DHX34: variants seen among roughly 807,000 people sequenced by gnomAD.
DHX34 encodes DExH-box helicase 34.
In DHX34, 96 loss-of-function variants were observed where a neutral mutation model predicts 111.1. The ratio of observed to expected loss-of-function variants is 0.86; its 90% CI spans 0.73 to 1.02. The LOEUF (loss-of-function observed/expected upper bound fraction) is 1.02, where lower values mean the gene tolerates loss of function less well. DHX34 is among the 50% of genes least tolerant of loss of function. The pLI is 0.00. For missense variants in DHX34, 1,560 were observed against 1,579.9 expected (o/e 0.99, Z 0.21); for synonymous variants, 688 against 670.4 (o/e 1.03, Z -0.41).
intron 12 of DHX34, 83 bp from the exon 13 acceptor site, chr19:47,377,017 A>G: frequency 6.2e-7 from 1 of 1,604,760 alleles, no homozygotes; most frequent in Non-Finnish European, 8.5e-7. Context: ...ATCGATGTGT[A>G]CTTTGACCGG....
chr19:47,353,803 A>T lies in DHX34; in HGVS notation c.705+68A>T. On this transcript the variant is annotated intron_variant, in intron 2 of 16. Coordinates refer to ENST00000328771, the MANE Select transcript of DHX34 (RefSeq NM_014681.6). This position sits in a 1 kb window ranked among gnomAD's most constrained non-coding sequence, Gnocchi z 4.6. ...TTGGGGGAATAGGTTGCTTGTCCAT[A>T]TGGCAGTATCAATAAAAATGAAGCA... 7.3e-7 allele frequency: 1 copy of T among 1,369,642 alleles called. No homozygotes were observed. The highest frequency in any genetic ancestry group is 2.5e-5 in the East Asian group (1 of 39,892). 84.8% of individuals were successfully genotyped at this position (1,369,642 alleles called of 1,614,324 possible).
Position 47,355,185 on chromosome 19 carries a change from G to A in DHX34, c.852G>A (p.Arg284=). 2.5e-6 allele frequency: 4 copies of A among 1,614,204 alleles called. No individual in the cohort carries two copies. Among genetic ancestry groups the A allele is most frequent in the Non-Finnish European group, 3.4e-6 (4 of 1,180,046 alleles). The stretch of plus-strand genomic sequence containing the variant: ...TGATTGTGGATGAAGTCCATGAGCG[G>A]CATCTCCACAACGATTTCCTCCTGG... The part of the protein sequence containing the change: ...EVLIVDEVHE[R]HLHNDFLLGV... The change falls in exon 3 of 17, where the codon CGG becomes CGA. Residue 284 remains arginine (R), a synonymous_variant. Coordinates refer to ENST00000328771, the MANE Select transcript of DHX34 (RefSeq NM_014681.6).
chr19:47,350,357 T>G (rs1969247717), intron 1 of DHX34, among the ~76,000 whole-genome samples: 1 of 152,114 alleles, frequency 6.6e-6, no homozygotes, highest in African/African-American at 2.4e-5. Flanking sequence ...TACGCCGTGA[T>G]TGTGCCACTG....
At chr19:47,380,370 G>C (rs1970313816) in intron 14 of DHX34, among the ~76,000 whole-genome samples, 1 of 152,104 alleles carries the variant, frequency 6.6e-6, no homozygotes, top group African/African-American at 2.4e-5. Flanking sequence ...TAGGTGGGGA[G>C]TGGAAATTGC....
chr19:47,370,939 G>C (rs1969946731), intron 7 of DHX34, among the ~76,000 whole-genome samples: 1 of 152,236 alleles, frequency 6.6e-6, no homozygotes, highest in African/African-American at 2.4e-5. Flanking sequence ...ATCCCTAAGT[G>C]CTGGGATTAC....
chr19:47,381,931 C>G, intron 16 of DHX34, 49 bp from the exon 17 acceptor site: 1 of 1,612,930 alleles, frequency 6.2e-7, no homozygotes, highest in Non-Finnish European at 8.5e-7. Flanking sequence ...GCAGGTAGAC[C>G]TGTGCACTGG....
chr19:47,353,182 G>T lies in DHX34; in HGVS notation c.152G>T (p.Arg51Leu). 1 of 1,614,156 alleles carries T rather than the reference G, an allele frequency of 6.2e-7. No homozygotes were observed. The highest frequency in any genetic ancestry group is 1.3e-5 in the African/African-American group (1 of 75,048). Residue 51 changes from arginine to leucine, a missense_variant, in exon 2 of 17, where the codon CGT becomes CTT. Arg to Leu is a moderately radical substitution (Grantham distance 102, BLOSUM62 -2). Transcript: ENST00000328771. The surrounding 1 kb of genome is among the most constrained non-coding windows in gnomAD (Gnocchi z 4.6). ...DAFFREEDYI[R>L]QGSEECQKFW... Reference sequence around the variant, plus strand: ...TTCTTCCGTGAAGAGGATTACATCCGTCAGGGTTCTGAGGAATGTCAGAAG... The same window carrying T: ...TTCTTCCGTGAAGAGGATTACATCCTTCAGGGTTCTGAGGAATGTCAGAAG...
chr19:47,376,273 G>C, intron 11 of DHX34, 170 bp from the exon 12 acceptor site: 1 of 1,450,196 alleles, frequency 6.9e-7, no homozygotes, highest in Non-Finnish European at 9.1e-7. Flanking sequence ...GGCAGGGCTT[G>C]GGGAGTCAAG....
At chr19:47,375,730 G>C in intron 10 of DHX34, 22 bp downstream of exon 10, 2 of 1,558,922 alleles carry the variant, frequency 1.3e-6, no homozygotes, top group Non-Finnish European at 1.7e-6. Context: ...GGGCTGTGGG[G>C]TGTGGGGGTT....
rs559836862 is a variant in DHX34 at position 47,369,756 on chromosome 19, C to T, written c.1768+2601C>T. 3.9e-5 allele frequency among the ~76,000 whole-genome samples: 6 copies of T among 152,170 alleles called. No homozygotes were observed. In the East Asian group the frequency reaches 9.7e-4, roughly 25 times the overall value. On this transcript the variant is annotated intron_variant, in intron 7 of 16. Coordinates refer to ENST00000328771, the MANE Select transcript of DHX34 (RefSeq NM_014681.6). ...GACAGCTGTCCCTCTGGCCCTGGGT[C>T]AGGTGAGGAGCTTTGAATTAAATGG...
chr19:47,350,110 T>G (rs1439013098), intron 1 of DHX34, among the ~76,000 whole-genome samples: 1 of 152,130 alleles, frequency 6.6e-6, no homozygotes, highest in Non-Finnish European at 1.5e-5. Flanking sequence ...GTCTGTGTGT[T>G]AATGTGAGTA....
At position 47,377,847 on chromosome 19, in the gene DHX34, A is replaced by G. The variant is rs553148982; in HGVS notation, c.2706+641A>G. Among the ~76,000 whole-genome samples the G allele has an allele frequency of 7.9e-5, 12 of 151,598 alleles. No individual in the cohort carries two copies. In the East Asian group the frequency reaches 2.4e-3, roughly 30 times the overall value. On this transcript the variant is annotated intron_variant, in intron 13 of 16. Transcript: ENST00000328771. ...CTGCCCCGGTGGAGGCTGAGGCCGAACTCAGATCATGGATGCCCTTGCATG... is the reference window on the plus strand; with the variant it reads ...CTGCCCCGGTGGAGGCTGAGGCCGAGCTCAGATCATGGATGCCCTTGCATG...
intron 9 of DHX34, among the ~76,000 whole-genome samples, chr19:47,374,737 G>A (rs1018574981): frequency 2.6e-5 from 4 of 152,122 alleles, no homozygotes; most frequent in Non-Finnish European, 4.4e-5. Context: ...CATGGGTCCC[G>A]AGTTCTCTCT....
intron 2 of DHX34, among the ~76,000 whole-genome samples, chr19:47,354,112 G>T (rs1182380519): frequency 1.3e-5 from 2 of 152,028 alleles, no homozygotes; most frequent in Admixed American, 6.6e-5. Context: ...ACAGGCACCC[G>T]CCACCATGCC....
At chr19:47,364,605 G>A (rs1201339024) in intron 6 of DHX34, among the ~76,000 whole-genome samples, 2 of 151,858 alleles carry the variant, frequency 1.3e-5, no homozygotes, top group Non-Finnish European at 1.5e-5. Flanking sequence ...AGCCCAGTGT[G>A]ATGGCACACA....
At chr19:47,360,513 C>T (rs1055154850) in intron 5 of DHX34, among the ~76,000 whole-genome samples, 3 of 152,298 alleles carry the variant, frequency 2.0e-5, no homozygotes, top group Non-Finnish European at 2.9e-5. Context: ...CGAGAGCTGT[C>T]TTTCTCCAGG....
intron 16 of DHX34, 136 bp from the exon 17 acceptor site, chr19:47,381,844 C>T (rs1599781769): frequency 6.7e-7 from 1 of 1,491,908 alleles, no homozygotes; most frequent in Non-Finnish European, 8.9e-7. Flanking sequence ...TCTGGGAGGG[C>T]TTCCTGGAGG....
chr19:47,366,569 C>T (rs1032005427), intron 6 of DHX34, among the ~76,000 whole-genome samples: 12 of 150,890 alleles, frequency 8.0e-5, no homozygotes, highest in African/African-American at 2.7e-4. Context: ...GCATGAGCCA[C>T]TGTGCCTGGC....
intron 11 of DHX34, 90 bp from the exon 12 acceptor site, chr19:47,376,353 G>C: frequency 6.5e-7 from 1 of 1,546,374 alleles, no homozygotes; most frequent in Admixed American, 1.9e-5. Flanking sequence ...TCCTGGAGGA[G>C]GGAACCTGGG....
Sources: allele counts gnomAD v4.1 joint callset (sites outside exome capture counted in the v4.1 genomes callset), GRCh38; gene constraint gnomAD v4.1.1; non-coding constraint Gnocchi (gnomAD v3.1); transcripts MANE v1.5; gene names NCBI Gene and HGNC (gene_info 2026-07-23, HGNC 2026-07-21).